Variants in B3GNT3 observed in about 807,000 individuals in gnomAD.
B3GNT3 encodes the protein UDP-GlcNAc:betaGal beta-1,3-N-acetylglucosaminyltransferase 3.
A neutral mutation model predicts 11.6 loss-of-function variants in B3GNT3; 7 were observed. The observed-to-expected ratio is 0.60, with a 90% confidence interval of 0.34 to 1.13. B3GNT3 has a LOEUF of 1.13. Among genes scored for constraint, B3GNT3 ranks in the 50% most tolerant of loss-of-function variants. The pLI, the probability that B3GNT3 is intolerant of heterozygous loss-of-function variation, is 0.03. For synonymous variants in B3GNT3, 201 were observed against 222.1 expected (o/e 0.90, Z 0.85); for missense variants, 400 against 507.4 (o/e 0.79, Z 2.03).
intron 1 of B3GNT3, among the ~76,000 whole-genome samples, chr19:17,798,925 G>C (rs532806096): frequency 3.9e-5 from 6 of 151,914 alleles, no homozygotes; most frequent in Non-Finnish European, 5.9e-5. Context: ...AGCTATGATC[G>C]TGCCACTGCA....
chr19:17,808,092 G>T lies in B3GNT3; in HGVS notation c.285G>T (p.Leu95=), dbSNP rs778205303. Residue 95 remains leucine (L), a synonymous_variant, in exon 2 of 3, where the codon CTG becomes CTT. Coordinates refer to ENST00000318683, the MANE Select transcript of B3GNT3 (RefSeq NM_014256.4). ...GACACTGCCGCCACTTTCCCCTGCT[G>T]CAGGACGTGCCCCCCTCTAAGTGCG... ...LYRHCRHFPL[L]QDVPPSKCAQ... is the part of the protein sequence containing the mutation. The T allele has an allele frequency of 6.2e-7, 1 of 1,613,826 alleles. No individual in the cohort carries two copies. Among genetic ancestry groups the T allele is most frequent in the East Asian group, 2.2e-5 (1 of 44,856 alleles).
Position 17,811,486 on chromosome 19 carries a change from C to A in B3GNT3, c.568-85C>A, listed in dbSNP as rs1478087048. ...GATTGTGGACACTTCCTTTCCTGGGCTTAGTGGGCTGGAGTGGCTAATAGA... is the reference window on the plus strand; with the variant it reads ...GATTGTGGACACTTCCTTTCCTGGGATTAGTGGGCTGGAGTGGCTAATAGA... On this transcript the variant is annotated intron_variant, in intron 2 of 2. Coordinates refer to ENST00000318683, the MANE Select transcript of B3GNT3 (RefSeq NM_014256.4). The surrounding 1 kb of genome is among the most constrained non-coding windows in gnomAD (Gnocchi z 4.1). 5.2e-6 allele frequency: 7 copies of A among 1,357,356 alleles called. No homozygotes were observed. Among genetic ancestry groups the A allele is most frequent in the Non-Finnish European group, 1.0e-6 (1 of 1,004,960 alleles). 84.1% of individuals were successfully genotyped at this position (1,357,356 alleles called of 1,614,324 possible).
chr19:17,802,455 G>T (rs2094167484), intron 1 of B3GNT3, among the ~76,000 whole-genome samples: 1 of 152,216 alleles, frequency 6.6e-6, no homozygotes, highest in South Asian at 2.1e-4. Flanking sequence ...CAGGCTGGCT[G>T]GGCAGATGGA....
chr19:17,807,757 G>C lies in B3GNT3; in HGVS notation c.-50-1G>C, dbSNP rs370427889. ...TGTTCAGTGAGTTTTGTTTTCCACA[G>C]GAGCCGCCCAGGAGGCTCCTCAGGC... On this transcript the variant is annotated splice_acceptor_variant, in intron 1 of 2. Coordinates refer to ENST00000318683, the MANE Select transcript of B3GNT3 (RefSeq NM_014256.4). LOFTEE classifies it low-confidence loss of function (5UTR_SPLICE). The C allele has an allele frequency of 1.3e-5, 20 of 1,530,482 alleles. No individual in the cohort carries two copies. The highest frequency in any genetic ancestry group is 1.5e-5 in the Non-Finnish European group (17 of 1,131,478). The allele number at this position is 1,530,482 out of a possible 1,614,324, so 94.8% of individuals were successfully genotyped here.
chr19:17,800,941 C>T (rs1287915032), intron 1 of B3GNT3, among the ~76,000 whole-genome samples: 1 of 151,956 alleles, frequency 6.6e-6, no homozygotes, highest in Non-Finnish European at 1.5e-5. Context: ...TGGCGCTGCA[C>T]TTCAGCCTGG....
At position 17,813,246 on chromosome 19, in the gene B3GNT3, G is replaced by A. The variant is rs568418327; in HGVS notation, c.*1124G>A. On this transcript the variant is annotated 3_prime_UTR_variant, in exon 3 of 3. Coordinates refer to ENST00000318683, the MANE Select transcript of B3GNT3 (RefSeq NM_014256.4). ...GCACATTGGGAGACCAAAGTGGGAG[G>A]ATCACTTGAGCCCAGGAGTTCTGGA... is the stretch of plus-strand genomic sequence containing the variant. Among the ~76,000 whole-genome samples, 9 of 152,140 alleles carry A rather than the reference G, an allele frequency of 5.9e-5. No homozygotes were observed. Among genetic ancestry groups the A allele is most frequent in the African/African-American group, 2.2e-4 (9 of 41,542 alleles).
At chr19:17,802,229 G>A (rs1031989875) in intron 1 of B3GNT3, among the ~76,000 whole-genome samples, 1 of 152,032 alleles carries the variant, frequency 6.6e-6, no homozygotes, top group Non-Finnish European at 1.5e-5. Context: ...ACTGAATCAC[G>A]GGTGCCCAAG....
chr19:17,812,924 G>GC lies in B3GNT3; in HGVS notation c.*804dup, dbSNP rs2094183006. The GC allele has an allele frequency of 6.6e-6, 1 of 152,176 alleles. No homozygotes were observed. The highest frequency in any genetic ancestry group is 1.5e-5 in the Non-Finnish European group (1 of 68,104). The allele number at this position is 152,176 out of a possible 1,614,324, so 9.4% of individuals were successfully genotyped here. A position where few individuals can be genotyped will look rare whatever the true frequency, so the allele number is the denominator to read the frequency against. ...AGGGAGAGATTCAGGTCCTCCAGCA[G>GC]CCTCCCTCACCCAGTATGTTTTACA... is the stretch of plus-strand genomic sequence containing the variant. On this transcript the variant is annotated 3_prime_UTR_variant, in exon 3 of 3. Coordinates refer to ENST00000318683, the MANE Select transcript of B3GNT3 (RefSeq NM_014256.4).
At chr19:17,806,871 G>C (rs911754368) in intron 1 of B3GNT3, among the ~76,000 whole-genome samples, 1 of 150,286 alleles carries the variant, frequency 6.7e-6, no homozygotes, top group Admixed American at 6.7e-5. Context: ...AGGATCGCTC[G>C]TATGCAGGAG....
At position 17,811,858 on chromosome 19, in the gene B3GNT3, T is replaced by C; in HGVS notation, c.855T>C (p.Arg285=). The C allele has an allele frequency of 6.2e-7, 1 of 1,614,218 alleles. No homozygotes were observed. The highest frequency in any genetic ancestry group is 8.5e-7 in the Non-Finnish European group (1 of 1,180,042). ...GCTTCACGGCCGCTGCCCTGCGCCG[T>C]GCTGCCCATGTCTTGGACATCTTCC... The part of the protein sequence containing the change: ...LSRFTAAALR[R]AAHVLDIFPI... Residue 285 remains arginine, a synonymous_variant, in exon 3 of 3, where the codon CGT becomes CGC. Coordinates refer to ENST00000318683, the MANE Select transcript of B3GNT3 (RefSeq NM_014256.4). This position sits in a 1 kb window ranked among gnomAD's most constrained non-coding sequence, Gnocchi z 4.1.
At position 17,802,214 on chromosome 19, in the gene B3GNT3, T is replaced by A. The variant is rs2094167141; in HGVS notation, c.-50-5544T>A. 2.6e-5 allele frequency among the ~76,000 whole-genome samples: 4 copies of A among 152,034 alleles called. No homozygotes were observed. The South Asian group carries it at 8.3e-4, about 32-fold the overall frequency. On this transcript the variant is annotated intron_variant, in intron 1 of 2. Coordinates refer to ENST00000318683, the MANE Select transcript of B3GNT3 (RefSeq NM_014256.4). ...AAGCACTGGGATTACAGGTGACTTA[T>A]CTTGACTGAATCACGGGTGCCCAAG...
chr19:17,811,980 C>T lies in B3GNT3; in HGVS notation c.977C>T (p.Ser326Leu), dbSNP rs774246787. Reference sequence around the variant, plus strand: ...CGCACGTCTGGCGTGCGGGCTCCATCGCAACGCCTGTCCTCCTTTGACCCC... The same window carrying T: ...CGCACGTCTGGCGTGCGGGCTCCATTGCAACGCCTGTCCTCCTTTGACCCC... ...GIRTSGVRAP[S>L]QRLSSFDPCF... The change falls in exon 3 of 3, where the codon TCG becomes TTG. Residue 326 changes from serine to leucine, a missense_variant. Transcript: ENST00000318683. The surrounding 1 kb of genome is among the most constrained non-coding windows in gnomAD (Gnocchi z 4.1). 32 of 1,605,978 alleles carry T rather than the reference C, an allele frequency of 2.0e-5. No homozygotes were observed. Among genetic ancestry groups the T allele is most frequent in the Non-Finnish European group, 1.3e-5 (15 of 1,179,996 alleles).
At chr19:17,802,414 G>A (rs1196286052) in intron 1 of B3GNT3, among the ~76,000 whole-genome samples, 1 of 152,200 alleles carries the variant, frequency 6.6e-6, no homozygotes, top group Non-Finnish European at 1.5e-5. Context: ...GAGCACAGTT[G>A]CAGGAGATAA....
At chr19:17,804,240 C>CTTTTTTTTTTTTTTTTTTTTTCT in intron 1 of B3GNT3, among the ~76,000 whole-genome samples, 1 of 112,186 alleles carries the variant, frequency 8.9e-6, no homozygotes, top group Non-Finnish European at 1.8e-5. Flanking sequence ...TCTTTTTTTT[C>CTTTTTTTTTTTTTTTTTTTTTCT]TTTTTTTTTT....
Position 17,811,736 on chromosome 19 carries a change from A to C in B3GNT3, c.733A>C (p.Ile245Leu). 6.2e-7 allele frequency: 1 copy of C among 1,614,226 alleles called. No individual in the cohort carries two copies. Among genetic ancestry groups the C allele is most frequent in the Non-Finnish European group, 8.5e-7 (1 of 1,180,042 alleles). ...VGQLIQNVGP[I>L]RAFWSKYYVP... ...GCAACTGATCCAAAACGTGGGCCCC[A>C]TCCGGGCTTTTTGGAGCAAGTACTA... Residue 245 changes from isoleucine to leucine, a missense_variant, in exon 3 of 3, where the codon ATC (isoleucine) becomes CTC (leucine). Ile to Leu is a conservative substitution (Grantham distance 5). Transcript: ENST00000318683. This position sits in a 1 kb window ranked among gnomAD's most constrained non-coding sequence, Gnocchi z 4.1.
At chr19:17,797,972 C>T (rs1280544510) in intron 1 of B3GNT3, among the ~76,000 whole-genome samples, 3 of 152,182 alleles carry the variant, frequency 2.0e-5, no homozygotes, top group African/African-American at 7.2e-5. Flanking sequence ...TCAAATCCCA[C>T]CAACCCGCCC....
At chr19:17,795,431 C>A (rs150194133) in intron 1 of B3GNT3, among the ~76,000 whole-genome samples, 1 of 152,228 alleles carries the variant, frequency 6.6e-6, no homozygotes, top group East Asian at 1.9e-4. Context: ...GGGGAGGAAG[C>A]CTCCCCCACA....
chr19:17,800,491 G>A (rs1173211395), intron 1 of B3GNT3, among the ~76,000 whole-genome samples: 3 of 152,178 alleles, frequency 2.0e-5, no homozygotes, highest in Non-Finnish European at 2.9e-5. Flanking sequence ...AGGACATGGG[G>A]CCAGGGTGCA....
chr19:17,804,036 C>T (rs2094169581), intron 1 of B3GNT3, among the ~76,000 whole-genome samples: 1 of 151,974 alleles, frequency 6.6e-6, no homozygotes, highest in African/African-American at 2.4e-5. Flanking sequence ...TTGGGCCTTC[C>T]TGGCTTATAG....
Sources: gnomAD v4.1 joint callset for allele counts (sites outside exome capture counted in the v4.1 genomes callset) on GRCh38, gnomAD v4.1.1 for gene constraint, Gnocchi (gnomAD v3.1) non-coding constraint, MANE v1.5 for transcripts, NCBI Gene and HGNC (gene_info 2026-07-23, HGNC 2026-07-21) for gene names.